PMEPA1: variants seen among roughly 807,000 people sequenced by gnomAD.
The protein encoded by PMEPA1 is prostate transmembrane protein, androgen induced 1, also known as protein TMEPAI.
A neutral mutation model predicts 23.0 loss-of-function variants in PMEPA1; 11 were observed. The observed-to-expected ratio is 0.48, with a 90% CI of 0.30 to 0.79. The LOEUF is 0.79. PMEPA1 is among the 30% of genes least tolerant of loss of function. The pLI is 0.06. For synonymous variants in PMEPA1, 204 were observed against 166.4 expected (o/e 1.23, Z -1.74); for missense variants, 377 against 390.9 (o/e 0.96, Z 0.30).
Position 57,683,564 on chromosome 20 carries a change from T to TGTGC in PMEPA1, c.110-23868_110-23867insGCAC, listed in dbSNP as rs1011465334. ...GTTCTGGCCTGTGTGCGTGTGTGTG[T>TGTGC]GTGTGTGTGTGTGTGTGTGTTTCTT... is the stretch of plus-strand genomic sequence containing the variant. On this transcript the variant is annotated intron_variant, in intron 1 of 3. Coordinates refer to ENST00000341744, the MANE Select transcript of PMEPA1 (RefSeq NM_020182.5). This position sits in a 1 kb window ranked among gnomAD's most constrained non-coding sequence, Gnocchi z 4.3. Among the ~76,000 whole-genome samples the TGTGC allele has an allele frequency of 5.3e-5, 8 of 149,662 alleles. 1 individual carries two copies. The highest frequency in any genetic ancestry group is 1.2e-4 in the African/African-American group (5 of 40,826).
intron 1 of PMEPA1, among the ~76,000 whole-genome samples, chr20:57,675,616 C>T (rs1274601908): frequency 6.6e-6 from 1 of 152,148 alleles, no homozygotes; most frequent in African/African-American, 2.4e-5. Context: ...CTGCTGGCCA[C>T]ACTGACAGTC....
chr20:57,672,505 C>T (rs567742142), intron 1 of PMEPA1, among the ~76,000 whole-genome samples: 49 of 152,376 alleles, frequency 3.2e-4, no homozygotes, highest in African/African-American at 7.2e-4. Flanking sequence ...ATTCAATCCC[C>T]GGGGCCTCAT....
chr20:57,710,826 GAT>G (rs1484384767), upstream of PMEPA1: 5 of 247,086 alleles, frequency 2.0e-5, no homozygotes, highest in Non-Finnish European at 3.8e-5. Flanking sequence ...GGTTTAAAAA[GAT>G]ATTAAAATAT....
intron 1 of PMEPA1, among the ~76,000 whole-genome samples, chr20:57,702,394 C>T (rs1006081332): frequency 4.6e-5 from 7 of 152,232 alleles, no homozygotes; most frequent in African/African-American, 1.7e-4. Flanking sequence ...GCTCCTCATG[C>T]AGCCTGACAA....
At chr20:57,657,980 C>T (rs1240250441) in intron 2 of PMEPA1, among the ~76,000 whole-genome samples, 1 of 152,192 alleles carries the variant, frequency 6.6e-6, no homozygotes, top group Admixed American at 6.5e-5. Context: ...CGCTTCCTGC[C>T]CCACGTGGTT....
rs142358515 is a variant in PMEPA1, at chr20:57,699,324, C to A, written c.109+10150G>T. ...ACCATCGGCACCAACACTCTCGTGG[C>A]CATTTATTGAGCATCTACTAGGAAT... is the stretch of plus-strand genomic sequence containing the variant. On this transcript the variant is annotated intron_variant, in intron 1 of 3. Transcript: ENST00000341744. Among the ~76,000 whole-genome samples, 866 of 152,328 alleles carry A rather than the reference C, an allele frequency of 5.7e-3. 10 individuals are homozygous for A. The highest frequency in any genetic ancestry group is 0.019 in the African/African-American group (787 of 41,558).
In PMEPA1 at chr20:57,659,627, G is replaced by A. The variant is rs1365936813; in HGVS notation, c.180C>T (p.Cys60=). 1 of 1,612,372 alleles carries A rather than the reference G, an allele frequency of 6.2e-7. No homozygotes were observed. The highest frequency in any genetic ancestry group is 8.5e-7 in the Non-Finnish European group (1 of 1,179,284). The change falls in exon 2 of 4, where the codon TGC becomes TGT. Residue 60 remains cysteine, a synonymous_variant. Transcript: ENST00000341744. ...VMMVMVVVIT[C]LLSHYKLSAR... is the part of the protein sequence containing the mutation. ...CAGACAGCTTGTAGTGGCTCAGCAG[G>A]CACGTGATCACCACCACCATCACCA... is the stretch of plus-strand genomic sequence containing the variant.
intron 1 of PMEPA1, among the ~76,000 whole-genome samples, chr20:57,681,844 G>C (rs1053689717): frequency 6.6e-6 from 1 of 151,978 alleles, no homozygotes; most frequent in Non-Finnish European, 1.5e-5. Context: ...TCACCCTCTC[G>C]GCTTCTCCTC....
intron 1 of PMEPA1, among the ~76,000 whole-genome samples, chr20:57,693,306 A>C (rs973584084): frequency 1.3e-5 from 2 of 152,190 alleles, no homozygotes; most frequent in African/African-American, 4.8e-5. Flanking sequence ...CCTGCCCCAC[A>C]CAAGTCAGAG....
chr20:57,657,454 T>C (rs2071341531), intron 2 of PMEPA1, among the ~76,000 whole-genome samples: 1 of 152,164 alleles, frequency 6.6e-6, no homozygotes, highest in South Asian at 2.1e-4. Context: ...GAAAGTGGGG[T>C]GAACCCCTGA....
chr20:57,657,575 C>G (rs1352050635), intron 2 of PMEPA1, among the ~76,000 whole-genome samples: 1 of 152,230 alleles, frequency 6.6e-6, no homozygotes, highest in African/African-American at 2.4e-5. Context: ...AGCACGCCCT[C>G]CGGACAGCGT....
At position 57,652,642 on chromosome 20, in the gene PMEPA1, G is replaced by A. The variant is rs2071266219; in HGVS notation, c.319-44C>T. ...GAGTGAGGGAGGGCGGCTGTCTCAG[G>A]TGGGTTGTCCAGAAGCGATCCTGAG... is the stretch of plus-strand genomic sequence containing the variant. On this transcript the variant is annotated intron_variant, in intron 3 of 3. Coordinates refer to ENST00000341744, the MANE Select transcript of PMEPA1 (RefSeq NM_020182.5). This position sits in a 1 kb window ranked among gnomAD's most constrained non-coding sequence, Gnocchi z 6.1. The A allele has an allele frequency of 2.1e-6, 3 of 1,411,794 alleles. No homozygotes were observed. The East Asian group carries it at 7.5e-5, about 35-fold the overall frequency. The allele number at this position is 1,411,794 out of a possible 1,614,324, so 87.5% of individuals were successfully genotyped here.
chr20:57,704,088 G>T lies in PMEPA1; in HGVS notation c.109+5386C>A, dbSNP rs1226557353. Reference sequence around the variant, plus strand: ...ATGGGGTCTGCCAGCAGGTTCTGTGGGGCTTCTTGGTGACAGGGGAGACAA... The same window carrying T: ...ATGGGGTCTGCCAGCAGGTTCTGTGTGGCTTCTTGGTGACAGGGGAGACAA... On this transcript the variant is annotated intron_variant, in intron 1 of 3. Transcript: ENST00000341744. This position sits in a 1 kb window ranked among gnomAD's most constrained non-coding sequence, Gnocchi z 4.6. Among the ~76,000 whole-genome samples, 1 of 152,120 alleles carries T rather than the reference G, an allele frequency of 6.6e-6. No individual in the cohort carries two copies. The highest frequency in any genetic ancestry group is 2.4e-5 in the African/African-American group (1 of 41,410).
chr20:57,709,766 C>A lies in PMEPA1; in HGVS notation c.-184G>T, dbSNP rs916166267. The A allele has an allele frequency of 2.0e-6, 2 of 980,874 alleles. No homozygotes were observed. The highest frequency in any genetic ancestry group is 1.8e-5 in the African/African-American group (1 of 56,584). The allele number at this position is 980,874 out of a possible 1,614,324, so 60.8% of individuals were successfully genotyped here. On this transcript the variant is annotated 5_prime_UTR_variant, in exon 1 of 4. Transcript: ENST00000341744. ...CGCCGCGGGGCTCAGTGCGCGGGAC[C>A]GCGCTCCGCTGCGCCCCCCCGGCCT... is the stretch of plus-strand genomic sequence containing the variant.
intron 1 of PMEPA1, among the ~76,000 whole-genome samples, chr20:57,672,559 G>A (rs961125748): frequency 2.0e-5 from 3 of 152,236 alleles, no homozygotes; most frequent in Non-Finnish European, 2.9e-5. Flanking sequence ...GTCAGTCGGC[G>A]ACGGGCACCG....
chr20:57,662,820 G>A (rs879764338), intron 1 of PMEPA1, among the ~76,000 whole-genome samples: 1 of 152,180 alleles, frequency 6.6e-6, no homozygotes, highest in Admixed American at 6.5e-5. Flanking sequence ...GCCCTGGAGG[G>A]AGGGAGGTGT....
rs560908851 is a variant in PMEPA1 at position 57,690,015 on chromosome 20, C to T, written c.109+19459G>A. Among the ~76,000 whole-genome samples, 13 of 152,360 alleles carry T rather than the reference C, an allele frequency of 8.5e-5. 1 individual carries two copies. Among genetic ancestry groups the T allele is most frequent in the East Asian group, 7.7e-4 (4 of 5,188 alleles). On this transcript the variant is annotated intron_variant, in intron 1 of 3. Coordinates refer to ENST00000341744, the MANE Select transcript of PMEPA1 (RefSeq NM_020182.5). ...CATTTGCTGAGCTTCTCCCAACACC[C>T]GATGCACTCCTCACCTCAGCTCCAC...
At chr20:57,673,424 C>T (rs991470376) in intron 1 of PMEPA1, among the ~76,000 whole-genome samples, 9 of 152,182 alleles carry the variant, frequency 5.9e-5, no homozygotes, top group Non-Finnish European at 1.3e-4. Context: ...AGCCTTTCCT[C>T]GGTCTATGTC....
chr20:57,692,755 C>A (rs1260287112), intron 1 of PMEPA1, among the ~76,000 whole-genome samples: 1 of 152,222 alleles, frequency 6.6e-6, no homozygotes, highest in Non-Finnish European at 1.5e-5. Flanking sequence ...TGCCTGGATA[C>A]TCTTCATTGT....
Sources: allele counts gnomAD v4.1 joint callset (sites outside exome capture counted in the v4.1 genomes callset), GRCh38; gene constraint gnomAD v4.1.1; non-coding constraint Gnocchi (gnomAD v3.1); transcripts MANE v1.5; gene names NCBI Gene and HGNC (gene_info 2026-07-23, HGNC 2026-07-21).